The following SPAG9 variants were observed in gnomAD, a reference collection of about 807,000 sequenced individuals.
SPAG9 encodes C-Jun-amino-terminal kinase-interacting protein 4.
Under a neutral mutation model 166.5 loss-of-function variants are expected in SPAG9, and 35 were observed. That is an observed-to-expected ratio of 0.21 (90% CI 0.16 to 0.28). The LOEUF (loss-of-function observed/expected upper bound fraction) is 0.28, where lower values mean the gene tolerates loss of function less well. Among genes scored for constraint, SPAG9 ranks in the 10% least tolerant of loss-of-function variants. SPAG9 has a pLI of 1.00. For synonymous variants in SPAG9, 534 were observed against 565.5 expected (o/e 0.94, Z 0.79); for missense variants, 1,235 against 1,603.3 (o/e 0.77, Z 3.92).
chr17:51,026,102 A>T (rs2046157913), intron 6 of SPAG9, among the ~76,000 whole-genome samples: 1 of 152,096 alleles, frequency 6.6e-6, no homozygotes, highest in Non-Finnish European at 1.5e-5. Context: ...TTACCTCTTA[A>T]ATATAGAGAA....
intron 16 of SPAG9, chr17:50,996,363 A>C: frequency 1.7e-6 from 1 of 576,286 alleles, no homozygotes; most frequent in Non-Finnish European, 3.0e-6. Flanking sequence ...TCCCCCCCTC[A>C]CAGACTCAGA....
intron 1 of SPAG9, among the ~76,000 whole-genome samples, chr17:51,111,564 C>T (rs1018758275): frequency 1.3e-5 from 2 of 152,118 alleles, no homozygotes; most frequent in African/African-American, 4.8e-5. Flanking sequence ...CAGTTTGGTA[C>T]TATACCCAGT....
intron 8 of SPAG9, among the ~76,000 whole-genome samples, chr17:51,017,874 ATGCAGTCT>A (rs2045769398): frequency 6.6e-6 from 1 of 152,160 alleles, no homozygotes; most frequent in Non-Finnish European, 1.5e-5. Context: ...ATTTGAACCC[ATGCAGTCT>A]TACTCTAGGG....
intron 5 of SPAG9, among the ~76,000 whole-genome samples, chr17:51,039,557 G>C (rs2046750078): frequency 6.6e-6 from 1 of 152,160 alleles, no homozygotes; most frequent in Admixed American, 6.5e-5. Context: ...GAGAGAGACA[G>C]GGTTTTGTTT....
At chr17:51,066,563 AAAAG>A (rs1341321289) in intron 2 of SPAG9, among the ~76,000 whole-genome samples, 2 of 146,810 alleles carry the variant, frequency 1.4e-5, no homozygotes, top group African/African-American at 5.1e-5. Context: ...TCAAAAAAAA[AAAAG>A]AAAAAAAAAA....
intron 1 of SPAG9, among the ~76,000 whole-genome samples, chr17:51,113,360 AAAAAAAAAAAAGAAAG>A (rs2049180609): frequency 6.6e-6 from 1 of 150,400 alleles, no homozygotes; most frequent in Admixed American, 6.6e-5. Flanking sequence ...TATCAAAAAA[AAAAAAAAAAAAGAAAG>A]AAAAGAAAAA....
At chr17:50,989,065 T>C (rs765744715) in intron 21 of SPAG9, among the ~76,000 whole-genome samples, 8 of 151,278 alleles carry the variant, frequency 5.3e-5, no homozygotes, top group Non-Finnish European at 8.8e-5. Flanking sequence ...AAAAAACAGA[T>C]CAGAGGAGAA....
chr17:50,982,946 A>G (rs1217272589), intron 24 of SPAG9, among the ~76,000 whole-genome samples: 1 of 152,226 alleles, frequency 6.6e-6, no homozygotes. Context: ...ATGATAAATC[A>G]GTTACAAGTT....
In SPAG9 at chr17:50,973,521, T is replaced by C. The variant is rs947393955; in HGVS notation, c.3700+1250A>G. 2.0e-5 allele frequency among the ~76,000 whole-genome samples: 3 copies of C among 152,220 alleles called. 1 individual carries two copies. Among genetic ancestry groups the C allele is most frequent in the Non-Finnish European group, 2.9e-5 (2 of 68,044 alleles). On this transcript the variant is annotated intron_variant, in intron 28 of 29. Coordinates refer to ENST00000262013, the MANE Select transcript of SPAG9 (RefSeq NM_001130528.3). ...AACTGAATAATTGCTTAGGGTACCA[T>C]ATGCCAGCCCTTGCCCCATGTACAT...
At chr17:51,118,133 CAA>C (rs201570298) in intron 1 of SPAG9, among the ~76,000 whole-genome samples, 33 of 90,674 alleles carry the variant, frequency 3.6e-4, no homozygotes, top group Admixed American at 4.9e-4. Flanking sequence ...GACTCTGTCT[CAA>C]AAAAAAAAAA....
intron 1 of SPAG9, among the ~76,000 whole-genome samples, chr17:51,099,390 G>A (rs1403108414): frequency 1.4e-5 from 2 of 137,938 alleles, no homozygotes; most frequent in Non-Finnish European, 1.5e-5. Flanking sequence ...CCGAGATAGC[G>A]CCATTGCACT....
At chr17:50,966,675 T>C (rs1367118885) in intron 29 of SPAG9, among the ~76,000 whole-genome samples, 1 of 152,192 alleles carries the variant, frequency 6.6e-6, no homozygotes, top group Non-Finnish European at 1.5e-5. Context: ...TGCATACCGA[T>C]GGTCCAGACA....
chr17:51,044,393 T>C (rs932650277), intron 4 of SPAG9, among the ~76,000 whole-genome samples: 1 of 152,230 alleles, frequency 6.6e-6, no homozygotes, highest in Non-Finnish European at 1.5e-5. Flanking sequence ...AAAACGAAGC[T>C]ATCAACAACT....
intron 2 of SPAG9, among the ~76,000 whole-genome samples, chr17:51,063,901 AGT>A (rs1373543998): frequency 6.7e-6 from 1 of 149,126 alleles, no homozygotes; most frequent in African/African-American, 2.5e-5. Flanking sequence ...TAAATAAATA[AGT>A]AAGTAAGTAA....
At chr17:51,095,994 TATATATATAGTG>T (rs1395279235) in intron 1 of SPAG9, among the ~76,000 whole-genome samples, 16 of 127,866 alleles carry the variant, frequency 1.3e-4, no homozygotes, top group East Asian at 4.2e-4. Context: ...TATATAGTGA[TATATATATAGTG>T]ATATATATAT....
intron 13 of SPAG9, among the ~76,000 whole-genome samples, chr17:50,999,920 A>G (rs991434905): frequency 6.6e-6 from 1 of 152,198 alleles, no homozygotes; most frequent in Non-Finnish European, 1.5e-5. Context: ...GAAAAATAAA[A>G]TATCATCCCT....
intron 2 of SPAG9, among the ~76,000 whole-genome samples, chr17:51,077,081 T>G (rs370374519): frequency 2.2e-3 from 240 of 109,586 alleles, no homozygotes; most frequent in Middle Eastern, 4.2e-3. Flanking sequence ...TATCTAGCTA[T>G]CTAGCTAGCT....
chr17:51,060,943 T>C (rs1172379102), intron 2 of SPAG9, among the ~76,000 whole-genome samples: 1 of 151,410 alleles, frequency 6.6e-6, no homozygotes, highest in Non-Finnish European at 1.5e-5. Flanking sequence ...ACCTCCCTGG[T>C]TGAAGCGATT....
chr17:51,050,611 C>T (rs1371309171), intron 3 of SPAG9, among the ~76,000 whole-genome samples: 1 of 151,986 alleles, frequency 6.6e-6, no homozygotes, highest in African/African-American at 2.4e-5. Flanking sequence ...AAAGCATTTC[C>T]TGATGTCTGG....
Sources: allele counts gnomAD v4.1 joint callset (sites outside exome capture counted in the v4.1 genomes callset), GRCh38; gene constraint gnomAD v4.1.1; transcripts MANE v1.5; gene names NCBI Gene and HGNC (gene_info 2026-07-23, HGNC 2026-07-21).